Variants in STARD6 observed in about 807,000 individuals in gnomAD.
STARD6 encodes stAR-related lipid transfer protein 6.
STARD6 carries 21 observed loss-of-function variants against 22.3 expected under a neutral mutation model. The observed-to-expected ratio is 0.94, with a 90% CI of 0.67 to 1.35. STARD6 has a LOEUF of 1.35. Among genes scored for constraint, STARD6 ranks in the 40% most tolerant of loss-of-function variants. The pLI, the probability that STARD6 is intolerant of heterozygous loss-of-function variation, is 0.00. For synonymous variants in STARD6, 80 were observed against 88.1 expected, an observed-to-expected ratio of 0.91 and a Z score of 0.52; for missense variants, 269 against 266.9, an observed-to-expected ratio of 1.01 and a Z score of -0.05.
At chr18:54,338,614 T>G (rs1394910068) in intron 4 of STARD6, among the ~76,000 whole-genome samples, 1 of 151,490 alleles carries the variant, frequency 6.6e-6, no homozygotes, top group Admixed American at 6.6e-5. Context: ...GCTACACTAT[T>G]TTACCTAAAA....
chr18:54,333,074 T>C (rs1473852826), intron 5 of STARD6, among the ~76,000 whole-genome samples: 5 of 152,244 alleles, frequency 3.3e-5, no homozygotes, highest in Non-Finnish European at 7.3e-5. Flanking sequence ...ATAAGTCATA[T>C]AATCTCTCTG....
chr18:54,353,148 A>C (rs976589291), intron 4 of STARD6, among the ~76,000 whole-genome samples: 1 of 152,234 alleles, frequency 6.6e-6, no homozygotes, highest in Admixed American at 6.5e-5. Flanking sequence ...AAAAGCAAGA[A>C]ACATAAAATG....
At chr18:54,342,292 CA>C (rs1334157932) in intron 4 of STARD6, among the ~76,000 whole-genome samples, 1 of 152,120 alleles carries the variant, frequency 6.6e-6, no homozygotes, top group African/African-American at 2.4e-5. Flanking sequence ...TGAATCTGAC[CA>C]AAAGTTTAAA....
chr18:54,349,166 AT>A (rs2089068222), intron 4 of STARD6, among the ~76,000 whole-genome samples: 1 of 152,184 alleles, frequency 6.6e-6, no homozygotes, highest in Admixed American at 6.5e-5. Context: ...GTGAAGTGCT[AT>A]GAAGAAGATA....
In STARD6 at chr18:54,331,722, G is replaced by A. The variant is rs764051668; in HGVS notation, c.385+20C>T. The stretch of plus-strand genomic sequence containing the variant: ...TGGCTCGCAGTAATTCCAAGATATG[G>A]GCAAAATGTTTCAACTTACAACTGA... On this transcript the variant is annotated intron_variant, in intron 6 of 7. Transcript: ENST00000307844. The A allele has an allele frequency of 3.2e-6, 5 of 1,545,348 alleles. No homozygotes were observed. The highest frequency in any genetic ancestry group is 1.7e-4 in the Middle Eastern group (1 of 5,872).
intron 7 of STARD6, among the ~76,000 whole-genome samples, chr18:54,328,470 A>C (rs923428653): frequency 6.6e-6 from 1 of 152,152 alleles, no homozygotes; most frequent in Non-Finnish European, 1.5e-5. Context: ...ATAGATTCAA[A>C]ATTGACAAAT....
At chr18:54,355,078 A>C (rs1240219710) in intron 2 of STARD6, among the ~76,000 whole-genome samples, 1 of 152,198 alleles carries the variant, frequency 6.6e-6, no homozygotes, top group African/African-American at 2.4e-5. Context: ...AGTGCGTAGC[A>C]GTGGCACTAC....
At chr18:54,353,502 A>G (rs989449733) in intron 4 of STARD6, among the ~76,000 whole-genome samples, 2 of 152,130 alleles carry the variant, frequency 1.3e-5, no homozygotes, top group African/African-American at 4.8e-5. Context: ...CTACAAAAAC[A>G]TATAAAAATT....
At chr18:54,349,590 T>G (rs955774248) in intron 4 of STARD6, among the ~76,000 whole-genome samples, 2 of 152,176 alleles carry the variant, frequency 1.3e-5, no homozygotes, top group African/African-American at 4.8e-5. Flanking sequence ...CTTGAGATTT[T>G]GGTGCACCCA....
intron 3 of STARD6, 190 bp from the exon 4 acceptor site, chr18:54,354,293 A>G (rs1176912462): frequency 1.6e-6 from 1 of 638,488 alleles, no homozygotes; most frequent in Non-Finnish European, 2.7e-6. Flanking sequence ...CACAGGCACA[A>G]TCATGGTGCA....
intron 4 of STARD6, among the ~76,000 whole-genome samples, chr18:54,350,050 G>A (rs1216343272): frequency 1.3e-5 from 2 of 152,104 alleles, no homozygotes; most frequent in East Asian, 3.8e-4. Flanking sequence ...GTTCTTTAAG[G>A]AATCTCCATG....
intron 2 of STARD6, chr18:54,355,863 G>A (rs2089137905): frequency 6.6e-6 from 1 of 152,196 alleles, no homozygotes; most frequent in Admixed American, 6.5e-5. Context: ...GGCAGGTAAG[G>A]TGAAAACAGA....
chr18:54,348,470 A>G (rs894297273), intron 4 of STARD6, among the ~76,000 whole-genome samples: 10 of 152,144 alleles, frequency 6.6e-5, no homozygotes, highest in Admixed American at 5.2e-4. Flanking sequence ...CAGAGAGAAT[A>G]ATGATTAAGA....
At chr18:54,353,683 A>G (rs1020906486) in intron 4 of STARD6, among the ~76,000 whole-genome samples, 6 of 152,168 alleles carry the variant, frequency 3.9e-5, no homozygotes, top group African/African-American at 1.4e-4. Context: ...AAATGAAGAA[A>G]TACACTTTAC....
chr18:54,337,277 T>G (rs1375132576), intron 4 of STARD6, 26 bp from the exon 5 acceptor site: 2 of 1,600,190 alleles, frequency 1.2e-6, no homozygotes, highest in Non-Finnish European at 1.7e-6. Context: ...TAAAGAAAAT[T>G]CAAAGCTTAA....
At chr18:54,341,228 T>A (rs921210995) in intron 4 of STARD6, among the ~76,000 whole-genome samples, 2 of 152,028 alleles carry the variant, frequency 1.3e-5, no homozygotes, top group African/African-American at 4.8e-5. Flanking sequence ...CCCGGCTAAT[T>A]TTTTGTATTT....
chr18:54,349,284 G>C (rs2089070358), intron 4 of STARD6, among the ~76,000 whole-genome samples: 1 of 152,052 alleles, frequency 6.6e-6, no homozygotes, highest in Non-Finnish European at 1.5e-5. Context: ...CTGACATCTT[G>C]AACATAAAAA....
At position 54,324,675 on chromosome 18, in the gene STARD6, C is replaced by G. The variant is rs1043153976; in HGVS notation, c.*17G>C. On this transcript the variant is annotated 3_prime_UTR_variant, in exon 8 of 8. Coordinates refer to ENST00000307844, the MANE Select transcript of STARD6 (RefSeq NM_139171.2). ...ACATGATTTTATAGCAGAACGGCCTCATTTCTTCTTTTGGTATCATGAATG... is the reference window on the plus strand; with the variant it reads ...ACATGATTTTATAGCAGAACGGCCTGATTTCTTCTTTTGGTATCATGAATG... 4 of 1,610,494 alleles carry G rather than the reference C, an allele frequency of 2.5e-6. No individual in the cohort carries two copies. The African/African-American group carries it at 5.4e-5, about 22-fold the overall frequency.
At chr18:54,347,541 A>G (rs889439906) in intron 4 of STARD6, among the ~76,000 whole-genome samples, 3 of 152,144 alleles carry the variant, frequency 2.0e-5, no homozygotes, top group Non-Finnish European at 4.4e-5. Context: ...ACTGAATAAC[A>G]TAACTTTTCA....
Sources: gnomAD v4.1 joint callset for allele counts (sites outside exome capture counted in the v4.1 genomes callset) on GRCh38, gnomAD v4.1.1 for gene constraint, MANE v1.5 for transcripts, NCBI Gene and HGNC (gene_info 2026-07-23, HGNC 2026-07-21) for gene names.